SCN11A: variants seen among roughly 807,000 people sequenced by gnomAD.
The protein encoded by SCN11A is sodium voltage-gated channel alpha subunit 11.
SCN11A carries 122 observed loss-of-function variants against 162.2 expected under a neutral mutation model. The observed-to-expected ratio is 0.75, with a 90% CI of 0.65 to 0.87. The LOEUF is 0.87. Among genes scored for constraint, SCN11A ranks in the 40% least tolerant of loss-of-function variants. The pLI is 0.00. For synonymous variants in SCN11A, 758 were observed against 751.5 expected (o/e 1.01, Z -0.14); for missense variants, 2,015 against 2,181.6 (o/e 0.92, Z 1.52).
intron 13 of SCN11A, 27 bp downstream of exon 13, chr3:38,908,970 T>C: frequency 1.2e-6 from 2 of 1,607,762 alleles, no homozygotes; most frequent in Non-Finnish European, 1.7e-6. Flanking sequence ...CCAGAGCAGA[T>C]CCCACTGTCT....
chr3:38,968,378 C>T (rs1416003972), intron 2 of SCN11A, among the ~76,000 whole-genome samples: 3 of 152,208 alleles, frequency 2.0e-5, no homozygotes, highest in African/African-American at 4.8e-5. Flanking sequence ...GGCAGCTGCC[C>T]CTGCCAACCT....
intron 7 of SCN11A, among the ~76,000 whole-genome samples, chr3:38,941,936 A>G (rs185690643): frequency 1.5e-3 from 229 of 152,296 alleles, no homozygotes; most frequent in African/African-American, 5.2e-3. Context: ...AAAAGCAAAA[A>G]CCAACTATAT....
At chr3:39,037,178 G>A (rs566606614) in intron 1 of SCN11A, among the ~76,000 whole-genome samples, 121 of 152,270 alleles carry the variant, frequency 7.9e-4, no homozygotes, top group African/African-American at 2.8e-3. Context: ...TTGCAACAAC[G>A]TGGATGGAAC....
At chr3:38,870,982 A>T (rs540014656) in intron 25 of SCN11A, among the ~76,000 whole-genome samples, 6 of 152,306 alleles carry the variant, frequency 3.9e-5, no homozygotes, top group African/African-American at 1.4e-4. Context: ...AGAAATTTCC[A>T]CCTTAAAAGT....
In SCN11A at chr3:38,863,221, GT is replaced by G. The variant is rs1325097401; in HGVS notation, c.4029del (p.Lys1343AsnfsTer10). On this transcript the variant is annotated frameshift_variant, in exon 28 of 30. Transcript: ENST00000302328. LOFTEE classifies it high-confidence loss of function. Reference sequence around the variant, plus strand: ...AGAGGCCGTGGAATGGGTTTTTGAGGTTTTTTGGATCCTAATTTTTTCATTG... The same window carrying G: ...AGAGGCCGTGGAATGGGTTTTTGAGGTTTTTGGATCCTAATTTTTTCATTG... ...YNAMKKLGSK[K>X]PQKPIPRPLN... The G allele has an allele frequency of 6.2e-7, 1 of 1,603,224 alleles. No individual in the cohort carries two copies. Among genetic ancestry groups the G allele is most frequent in the Non-Finnish European group, 8.5e-7 (1 of 1,170,462 alleles).
chr3:38,870,707 G>A lies in SCN11A; in HGVS notation c.3797C>T (p.Ala1266Val). 2 of 1,613,488 alleles carry A rather than the reference G, an allele frequency of 1.2e-6. No individual in the cohort carries two copies. Among genetic ancestry groups the A allele is most frequent in the African/African-American group, 2.7e-5 (2 of 75,010 alleles). The change falls in exon 26 of 30, where the codon GCT becomes GTT. Residue 1266 changes from alanine (A) to valine (V), a missense_variant. Transcript: ENST00000302328. ...FKGWMDIIYA[A>V]VDSTEKEQQP... Reference sequence around the variant, plus strand: ...CTGACTCACCTCTGTGGAATCAACAGCTGCATATATAATATCCATCCAGCC... The same window carrying A: ...CTGACTCACCTCTGTGGAATCAACAACTGCATATATAATATCCATCCAGCC...
chr3:38,948,668 T>C (rs1451875075), intron 5 of SCN11A, among the ~76,000 whole-genome samples: 1 of 152,242 alleles, frequency 6.6e-6, no homozygotes, highest in Non-Finnish European at 1.5e-5. Context: ...TGTGAGATCA[T>C]GGGTGTGCAG....
At chr3:38,961,197 G>C (rs968648761) in intron 2 of SCN11A, among the ~76,000 whole-genome samples, 9 of 152,244 alleles carry the variant, frequency 5.9e-5, no homozygotes, top group Middle Eastern at 3.4e-3. Flanking sequence ...CTGAATACTG[G>C]TTTCGGCTCC....
chr3:38,950,175 G>C lies in SCN11A; in HGVS notation c.188C>G (p.Pro63Arg). Residue 63 changes from proline to arginine, a missense_variant, in exon 5 of 30, where the codon CCC becomes CGC. Physicochemically the swap from Pro to Arg is moderately radical, Grantham distance 103. Coordinates refer to ENST00000302328, the MANE Select transcript of SCN11A (RefSeq NM_001349253.2). The stretch of plus-strand genomic sequence containing the variant: ...ACGAGGAATGTCGCCATAGAGCTTG[G>C]GCAACTTCCTGGAGGCCTTTAGGTC... Reference protein sequence around the residue: ...QLDLKASRKLPKLYGDIPREL... With the variant: ...QLDLKASRKLRKLYGDIPREL... The C allele has an allele frequency of 6.2e-7, 1 of 1,612,644 alleles. No individual in the cohort carries two copies. Among genetic ancestry groups the C allele is most frequent in the Non-Finnish European group, 8.5e-7 (1 of 1,179,864 alleles).
intron 28 of SCN11A, 100 bp downstream of exon 28, chr3:38,863,095 T>C (rs2064989812): frequency 5.3e-6 from 4 of 756,568 alleles, no homozygotes. Context: ...CCTTAATGTC[T>C]GCAAATTTTA....
chr3:38,921,713 G>A (rs949399277), intron 9 of SCN11A, among the ~76,000 whole-genome samples: 2 of 152,192 alleles, frequency 1.3e-5, no homozygotes, highest in African/African-American at 4.8e-5. Context: ...TATAGGGGAT[G>A]AAGGAGATTT....
chr3:38,908,551 A>C (rs2065837217), intron 13 of SCN11A, among the ~76,000 whole-genome samples: 1 of 152,216 alleles, frequency 6.6e-6, no homozygotes, highest in Admixed American at 6.5e-5. Flanking sequence ...TTCCAAGGAA[A>C]CTATTAGAAT....
chr3:38,991,760 G>A (rs567585243), intron 2 of SCN11A, among the ~76,000 whole-genome samples: 1 of 152,068 alleles, frequency 6.6e-6, no homozygotes, highest in East Asian at 1.9e-4. Flanking sequence ...GCTGGGTCCT[G>A]GTAAGCAGTT....
chr3:38,888,006 A>G (rs955303845), intron 19 of SCN11A, among the ~76,000 whole-genome samples: 8 of 152,232 alleles, frequency 5.3e-5, no homozygotes, highest in South Asian at 2.1e-4. Flanking sequence ...AAAGAAATAT[A>G]AAGTAGTAAG....
intron 23 of SCN11A, among the ~76,000 whole-genome samples, chr3:38,879,647 G>A (rs1420658859): frequency 1.3e-5 from 2 of 152,138 alleles, no homozygotes; most frequent in African/African-American, 2.4e-5. Context: ...GATACTGAAA[G>A]TTATTCTAGG....
At chr3:38,946,959 T>C (rs2066527528) in intron 5 of SCN11A, 52 bp from the exon 6 acceptor site, 2 of 986,612 alleles carry the variant, frequency 2.0e-6, no homozygotes, top group African/African-American at 1.6e-5. Flanking sequence ...ACAACAGGAA[T>C]TAAATGCAGT....
In SCN11A at chr3:38,935,131, G is replaced by A. The variant is rs557950184; in HGVS notation, c.489-8200C>T. Among the ~76,000 whole-genome samples the A allele has an allele frequency of 2.4e-4, 36 of 152,210 alleles. No individual in the cohort carries two copies. The South Asian group carries it at 6.5e-3, about 27-fold the overall frequency. ...AACAACCTGCTCCTGAATGACTACT[G>A]GGTACATAACGAAATGAAGGCAGAA... On this transcript the variant is annotated intron_variant, in intron 7 of 29. Coordinates refer to ENST00000302328, the MANE Select transcript of SCN11A (RefSeq NM_001349253.2).
At chr3:38,942,450 A>G (rs1489929030) in intron 7 of SCN11A, among the ~76,000 whole-genome samples, 10 of 152,278 alleles carry the variant, frequency 6.6e-5, no homozygotes, top group Middle Eastern at 6.8e-3. Flanking sequence ...ACTATAAAAG[A>G]TGTTTCTCTT....
intron 2 of SCN11A, among the ~76,000 whole-genome samples, chr3:38,964,989 C>T (rs930896125): frequency 6.6e-6 from 1 of 152,158 alleles, no homozygotes; most frequent in East Asian, 1.9e-4. Context: ...GGATGAGTGC[C>T]GCTTAGAAGA....
Sources: allele counts gnomAD v4.1 joint callset (sites outside exome capture counted in the v4.1 genomes callset), GRCh38; gene constraint gnomAD v4.1.1; transcripts MANE v1.5; gene names NCBI Gene and HGNC (gene_info 2026-07-23, HGNC 2026-07-21).